Variants in DLGAP2 observed in about 807,000 individuals in gnomAD.
The protein encoded by DLGAP2 is DLG associated protein 2.
Under a neutral mutation model 100.3 loss-of-function variants are expected in DLGAP2, and 26 were observed. That is an observed-to-expected ratio of 0.26 (90% confidence interval 0.19 to 0.36). DLGAP2 has a LOEUF of 0.36. Ranked by LOEUF, DLGAP2 falls within the 10% of genes least tolerant of loss-of-function variation. DLGAP2 has a pLI of 1.00. For missense variants in DLGAP2, 1,858 were observed against 1,453.2 expected, an observed-to-expected ratio of 1.28 and a Z score of -4.53; for synonymous variants, 886 against 630.1, an observed-to-expected ratio of 1.41 and a Z score of -6.08.
chr8:1,673,010 A>G (rs893759999), intron 10 of DLGAP2, among the ~76,000 whole-genome samples: 3 of 152,212 alleles, frequency 2.0e-5, no homozygotes, highest in African/African-American at 7.2e-5. Flanking sequence ...GGCTCAGAGG[A>G]GGCTGGTTGG....
At chr8:1,111,637 G>T (rs952005888) in intron 2 of DLGAP2, among the ~76,000 whole-genome samples, 4 of 152,112 alleles carry the variant, frequency 2.6e-5, no homozygotes, top group Non-Finnish European at 5.9e-5. Context: ...GATCCCACTT[G>T]TAAGTGAGAA....
At chr8:1,194,991 C>T (rs1797718660) in intron 2 of DLGAP2, among the ~76,000 whole-genome samples, 2 of 152,244 alleles carry the variant, frequency 1.3e-5, no homozygotes, top group Admixed American at 1.3e-4. Context: ...GCTCTCCCGG[C>T]CTTCATTCCT....
intron 2 of DLGAP2, among the ~76,000 whole-genome samples, chr8:1,108,907 A>G (rs1425024324): frequency 4.1e-4 from 53 of 130,014 alleles, no homozygotes; most frequent in Middle Eastern, 5.6e-3. Flanking sequence ...GCACGTGCCT[A>G]TGAAGTGTGC....
intron 1 of DLGAP2, among the ~76,000 whole-genome samples, chr8:839,705 C>T (rs964154408): frequency 1.2e-4 from 18 of 152,154 alleles, no homozygotes; most frequent in Admixed American, 4.6e-4. Flanking sequence ...TTGCTCCCAC[C>T]CTAAGTGCCC....
At chr8:1,569,941 C>A (rs1283940712) in intron 6 of DLGAP2, among the ~76,000 whole-genome samples, 2 of 151,748 alleles carry the variant, frequency 1.3e-5, no homozygotes, top group East Asian at 1.9e-4. Flanking sequence ...TAGATCTTCA[C>A]CCCATGGCAC....
intron 1 of DLGAP2, among the ~76,000 whole-genome samples, chr8:867,202 T>C (rs1442158379): frequency 1.3e-5 from 2 of 152,208 alleles, no homozygotes; most frequent in Non-Finnish European, 2.9e-5. Context: ...TCTATTTGCT[T>C]TATGCAAGAA....
At chr8:1,547,779 C>T (rs1322892249) in intron 4 of DLGAP2, among the ~76,000 whole-genome samples, 1 of 152,188 alleles carries the variant, frequency 6.6e-6, no homozygotes, top group Admixed American at 6.5e-5. Context: ...AGGGAGGAGT[C>T]AAGCGGGATT....
chr8:1,264,446 A>G (rs776395358), intron 3 of DLGAP2, among the ~76,000 whole-genome samples: 84 of 152,302 alleles, frequency 5.5e-4, no homozygotes, highest in Middle Eastern at 6.8e-3. Flanking sequence ...TCGCACATCC[A>G]GGGCCATGGA....
intron 8 of DLGAP2, among the ~76,000 whole-genome samples, chr8:1,643,402 C>T (rs1380860015): frequency 1.3e-4 from 3 of 23,000 alleles, no homozygotes; most frequent in Non-Finnish European, 2.1e-4. Flanking sequence ...TCGACCCCGC[C>T]GGCCCTCACC....
intron 3 of DLGAP2, among the ~76,000 whole-genome samples, chr8:1,376,563 C>G (rs769567871): frequency 6.6e-6 from 1 of 152,194 alleles, no homozygotes; most frequent in Non-Finnish European, 1.5e-5. Flanking sequence ...TCAGAAGCTG[C>G]TCTCCTCCTG....
chr8:1,142,668 C>T (rs1188525348), intron 2 of DLGAP2, among the ~76,000 whole-genome samples: 3 of 151,950 alleles, frequency 2.0e-5, no homozygotes, highest in Admixed American at 6.6e-5. Context: ...ACAGCTGTTC[C>T]GTTGGCCGTT....
intron 1 of DLGAP2, among the ~76,000 whole-genome samples, chr8:786,296 G>A (rs541046733): frequency 2.6e-5 from 4 of 152,242 alleles, no homozygotes; most frequent in Non-Finnish European, 4.4e-5. Context: ...ATGGAGCTGG[G>A]TCCCGGAGGT....
intron 1 of DLGAP2, among the ~76,000 whole-genome samples, chr8:798,162 C>T (rs1325554982): frequency 6.6e-6 from 1 of 152,278 alleles, no homozygotes; most frequent in East Asian, 1.9e-4. Flanking sequence ...GTTCTCTGTC[C>T]TGGCACTCCC....
At chr8:896,973 A>G (rs1206588772) in intron 1 of DLGAP2, among the ~76,000 whole-genome samples, 2 of 152,154 alleles carry the variant, frequency 1.3e-5, no homozygotes, top group East Asian at 1.9e-4. Context: ...AGTCGCCCCA[A>G]GTTTTACATC....
chr8:1,268,583 A>G (rs1314191470), intron 3 of DLGAP2, among the ~76,000 whole-genome samples: 1 of 152,174 alleles, frequency 6.6e-6, no homozygotes, highest in South Asian at 2.1e-4. Context: ...CCCCCAATTT[A>G]ACATCTTTCC....
chr8:866,530 T>C (rs537026598), intron 1 of DLGAP2, among the ~76,000 whole-genome samples: 13 of 152,100 alleles, frequency 8.5e-5, no homozygotes, highest in Non-Finnish European at 7.4e-5. Flanking sequence ...CTCGAGGGCC[T>C]GGCCTGTCAG....
chr8:1,048,429 G>A (rs572525261), intron 2 of DLGAP2, among the ~76,000 whole-genome samples: 1 of 152,108 alleles, frequency 6.6e-6, no homozygotes, highest in South Asian at 2.1e-4. Flanking sequence ...ACCTGCCACC[G>A]GGTGTTCACA....
chr8:838,931 T>C (rs1376437872), intron 1 of DLGAP2, among the ~76,000 whole-genome samples: 1 of 152,202 alleles, frequency 6.6e-6, no homozygotes, highest in Non-Finnish European at 1.5e-5. Context: ...TTAGCAAATC[T>C]GTAAGCAGAA....
At chr8:1,169,026 A>C (rs988404685) in intron 2 of DLGAP2, among the ~76,000 whole-genome samples, 1 of 149,394 alleles carries the variant, frequency 6.7e-6, no homozygotes, top group Non-Finnish European at 1.5e-5. Context: ...TCTAACGTTT[A>C]AGTCTTTAAT....
Sources: gnomAD v4.1 joint callset for allele counts (sites outside exome capture counted in the v4.1 genomes callset) on GRCh38, gnomAD v4.1.1 for gene constraint, MANE v1.5 for transcripts, NCBI Gene and HGNC (gene_info 2026-07-23, HGNC 2026-07-21) for gene names.